The following CLASP2 variants were observed in gnomAD, a reference collection of about 807,000 sequenced individuals.
CLASP2 encodes CLIP-associating protein 2.
A neutral mutation model predicts 194.4 loss-of-function variants in CLASP2; 47 were observed. The ratio of observed to expected loss-of-function variants is 0.24; its 90% confidence interval spans 0.19 to 0.31. The LOEUF (loss-of-function observed/expected upper bound fraction) is 0.31, where lower values mean the gene tolerates loss of function less well. CLASP2 is among the 10% of genes least tolerant of loss of function. The pLI is 1.00. For missense variants in CLASP2, 1,445 were observed against 1,823.6 expected (o/e 0.79, Z 3.78); for synonymous variants, 619 against 633.5 (o/e 0.98, Z 0.34).
chr3:33,714,553 C>A (rs1174584090), intron 1 of CLASP2, among the ~76,000 whole-genome samples: 1 of 152,150 alleles, frequency 6.6e-6, no homozygotes, highest in Non-Finnish European at 1.5e-5. Flanking sequence ...TTCTTTCAAC[C>A]CTCAAACCCA....
At chr3:33,558,253 A>G (rs1294837651) in intron 29 of CLASP2, 3 of 152,168 alleles carry the variant, frequency 2.0e-5, no homozygotes, top group African/African-American at 7.2e-5. Flanking sequence ...TGCATCCTCA[A>G]TCTTGGCAAA....
At chr3:33,712,034 A>G (rs1481693119) in intron 1 of CLASP2, among the ~76,000 whole-genome samples, 2 of 152,224 alleles carry the variant, frequency 1.3e-5, no homozygotes, top group African/African-American at 4.8e-5. Context: ...AAGGAAAAGA[A>G]GTCATTATAT....
Position 33,640,534 on chromosome 3 carries a change from ATGAG to A in CLASP2, c.862+4219_862+4222del, listed in dbSNP as rs145547577. On this transcript the variant is annotated intron_variant, in intron 8 of 38. Coordinates refer to ENST00000682230, the MANE Select transcript of CLASP2 (RefSeq NM_001365631.1). ...GAAAATACACTGTCCACTTGAATGA[ATGAG>A]TGAGTGAGTGAGTGAGTGAGTAAAA... 3.7e-4 allele frequency among the ~76,000 whole-genome samples: 56 copies of A among 152,216 alleles called. 1 individual carries two copies. The highest frequency in any genetic ancestry group is 3.4e-3 in the Middle Eastern group (1 of 294).
rs1474727045 is a variant in CLASP2, at chr3:33,496,260, T to C, written c.*2371A>G. 1 of 152,240 alleles carries C rather than the reference T, an allele frequency of 6.6e-6. No individual in the cohort carries two copies. Among genetic ancestry groups the C allele is most frequent in the African/African-American group, 2.4e-5 (1 of 41,466 alleles). 9.4% of individuals were successfully genotyped at this position (152,240 alleles called of 1,614,324 possible). Reference sequence around the variant, plus strand: ...AATAAACATGTTTTACAATCTGGAATATATAATTTTAATTAGTTCTCAGCA... The same window carrying C: ...AATAAACATGTTTTACAATCTGGAACATATAATTTTAATTAGTTCTCAGCA... On this transcript the variant is annotated 3_prime_UTR_variant, in exon 39 of 39. Coordinates refer to ENST00000682230, the MANE Select transcript of CLASP2 (RefSeq NM_001365631.1).
chr3:33,546,191 G>A (rs187117463), intron 30 of CLASP2, among the ~76,000 whole-genome samples: 42 of 152,160 alleles, frequency 2.8e-4, no homozygotes, highest in Non-Finnish European at 4.6e-4. Flanking sequence ...TTCCCCTGTA[G>A]GGACAGACAT....
At chr3:33,509,118 A>G (rs1047455865) in intron 37 of CLASP2, among the ~76,000 whole-genome samples, 6 of 152,208 alleles carry the variant, frequency 3.9e-5, no homozygotes, top group African/African-American at 1.4e-4. Context: ...AAGAAATTAA[A>G]TAATATTTTC....
chr3:33,713,812 C>A (rs1426549723), intron 1 of CLASP2, among the ~76,000 whole-genome samples: 4 of 152,064 alleles, frequency 2.6e-5, no homozygotes, highest in African/African-American at 9.7e-5. Flanking sequence ...GTCTCACTAT[C>A]TTGCTCAGGC....
At position 33,602,891 on chromosome 3, in the gene CLASP2, C is replaced by T. The variant is rs1388392876; in HGVS notation, c.1924+61G>A. 9 of 1,454,324 alleles carry T rather than the reference C, an allele frequency of 6.2e-6. No individual in the cohort carries two copies. The Admixed American group carries it at 7.7e-5, about 12-fold the overall frequency. The allele number at this position is 1,454,324 out of a possible 1,614,324, so 90.1% of individuals were successfully genotyped here. A position where few individuals can be genotyped will look rare whatever the true frequency, so the allele number is the denominator to read the frequency against. On this transcript the variant is annotated intron_variant, in intron 18 of 38. Coordinates refer to ENST00000682230, the MANE Select transcript of CLASP2 (RefSeq NM_001365631.1). Reference sequence around the variant, plus strand: ...AATAGAAATGATTAAGGTATATGAACTTGTCTTCACAGAGATCAGGGAGAG... The same window carrying T: ...AATAGAAATGATTAAGGTATATGAATTTGTCTTCACAGAGATCAGGGAGAG...
rs1449450334 is a variant in CLASP2 at position 33,533,821 on chromosome 3, G to C, written c.3787+1412C>G. 2.0e-5 allele frequency among the ~76,000 whole-genome samples: 3 copies of C among 152,046 alleles called. No homozygotes were observed. In the South Asian group the frequency reaches 6.2e-4, roughly 32 times the overall value. On this transcript the variant is annotated intron_variant, in intron 34 of 38. Transcript: ENST00000682230. Reference sequence around the variant, plus strand: ...CCTCCACCTCCCAGGGAGTTCAAGCGATTCTCCTGCCTCAGCTCCCGAGTA... The same window carrying C: ...CCTCCACCTCCCAGGGAGTTCAAGCCATTCTCCTGCCTCAGCTCCCGAGTA...
At chr3:33,591,647 A>T (rs116456282) in intron 21 of CLASP2, among the ~76,000 whole-genome samples, 1 of 152,200 alleles carries the variant, frequency 6.6e-6, no homozygotes, top group African/African-American at 2.4e-5. Context: ...AATGCCATAA[A>T]TATGTTTACT....
chr3:33,675,870 T>C (rs1471899799), intron 6 of CLASP2, among the ~76,000 whole-genome samples: 1 of 148,932 alleles, frequency 6.7e-6, no homozygotes, highest in Non-Finnish European at 1.5e-5. Context: ...GGAATCCACC[T>C]TACAAGGGAC....
chr3:33,516,858 T>C (rs764061583), intron 35 of CLASP2, 123 bp downstream of exon 35: 2 of 849,834 alleles, frequency 2.4e-6, no homozygotes, highest in African/African-American at 1.7e-5. Flanking sequence ...GAAAAGTTCA[T>C]GCAGAAAGCA....
rs2049456693 is a variant in CLASP2 at position 33,510,582 on chromosome 3, T to C, written c.4293A>G (p.Pro1431=). The C allele has an allele frequency of 4.3e-6, 7 of 1,613,930 alleles. No individual in the cohort carries two copies. Among genetic ancestry groups the C allele is most frequent in the Non-Finnish European group, 5.9e-6 (7 of 1,179,850 alleles). Residue 1431 remains proline, a synonymous_variant, in exon 37 of 39, where the codon CCA becomes CCG. Transcript: ENST00000682230. ...VSKETLNLLL[P]EIMPGLIQGY... ...CCTGTATTAGACCTGGCATAATCTC[T>C]GGCAAAAGCAGGTTTAGGGTTTCCT...
chr3:33,671,439 T>G (rs567556845), intron 6 of CLASP2, among the ~76,000 whole-genome samples: 4 of 152,126 alleles, frequency 2.6e-5, no homozygotes, highest in Non-Finnish European at 4.4e-5. Flanking sequence ...AGGAATTTTT[T>G]TAAAACTATG....
chr3:33,515,736 G>A (rs780714384), intron 36 of CLASP2, among the ~76,000 whole-genome samples: 2 of 152,152 alleles, frequency 1.3e-5, no homozygotes, highest in Non-Finnish European at 2.9e-5. Context: ...AATGAAAAGT[G>A]AAAATAAGAT....
intron 29 of CLASP2, chr3:33,558,940 C>T: frequency 3.5e-6 from 1 of 285,902 alleles, no homozygotes; most frequent in Non-Finnish European, 6.7e-6. Context: ...GTGATGCCTT[C>T]CAAACGTGTA....
intron 30 of CLASP2, among the ~76,000 whole-genome samples, chr3:33,550,976 T>C (rs942342367): frequency 2.7e-4 from 41 of 152,194 alleles, no homozygotes; most frequent in African/African-American, 9.9e-4. Context: ...TTGAAATGTA[T>C]AGGTAAATGC....
At chr3:33,534,980 T>C (rs1385803298) in intron 34 of CLASP2, among the ~76,000 whole-genome samples, 3 of 152,236 alleles carry the variant, frequency 2.0e-5, no homozygotes, top group Non-Finnish European at 2.9e-5. Flanking sequence ...CAATTGGTTT[T>C]AGTTATTTCT....
chr3:33,691,217 C>A (rs2091316694), intron 2 of CLASP2, among the ~76,000 whole-genome samples: 1 of 152,138 alleles, frequency 6.6e-6, no homozygotes, highest in African/African-American at 2.4e-5. Flanking sequence ...GGGACTACTA[C>A]ATAGCTTTTC....
Sources: allele counts gnomAD v4.1 joint callset (sites outside exome capture counted in the v4.1 genomes callset), GRCh38; gene constraint gnomAD v4.1.1; transcripts MANE v1.5; gene names NCBI Gene and HGNC (gene_info 2026-07-23, HGNC 2026-07-21).